Variants in FMN2 observed in about 807,000 individuals in gnomAD.
The protein encoded by FMN2 is formin-2.
A neutral mutation model predicts 142.3 loss-of-function variants in FMN2; 51 were observed. That is an observed-to-expected ratio of 0.36 (90% CI 0.29 to 0.45). The LOEUF (loss-of-function observed/expected upper bound fraction) is 0.45, where lower values mean the gene tolerates loss of function less well. Ranked by LOEUF, FMN2 falls within the 20% of genes least tolerant of loss-of-function variation. FMN2 has a pLI of 1.00. For missense variants in FMN2, 1,936 were observed against 2,122.8 expected (o/e 0.91, Z 1.73); for synonymous variants, 882 against 869.8 (o/e 1.01, Z -0.25).
At chr1:240,374,061 T>C (rs1672962588) in intron 14 of FMN2, among the ~76,000 whole-genome samples, 1 of 152,174 alleles carries the variant, frequency 6.6e-6, no homozygotes. Flanking sequence ...TCAGAGCTTT[T>C]GGGTGACCAG....
chr1:240,464,715 G>A (rs1676557148), intron 16 of FMN2, among the ~76,000 whole-genome samples: 1 of 152,074 alleles, frequency 6.6e-6, no homozygotes, highest in South Asian at 2.1e-4. Context: ...CCAGGGAGCT[G>A]GGGGCAGACC....
intron 6 of FMN2, among the ~76,000 whole-genome samples, chr1:240,240,532 T>C (rs891774787): frequency 6.6e-6 from 1 of 152,218 alleles, no homozygotes; most frequent in South Asian, 2.1e-4. Context: ...CTCATTGAGG[T>C]AACGAAGTAC....
intron 2 of FMN2, among the ~76,000 whole-genome samples, chr1:240,157,275 A>G (rs1447214783): frequency 6.6e-6 from 1 of 152,152 alleles, no homozygotes; most frequent in Non-Finnish European, 1.5e-5. Flanking sequence ...AGTTGCTCAC[A>G]ATTAATTACT....
chr1:240,455,961 C>T (rs1382324717), intron 16 of FMN2, among the ~76,000 whole-genome samples: 6 of 148,634 alleles, frequency 4.0e-5, no homozygotes, highest in African/African-American at 1.5e-4. Flanking sequence ...GGTGACGGAG[C>T]GAGACTGTCT....
At chr1:240,121,067 A>C (rs768521924) in intron 1 of FMN2, among the ~76,000 whole-genome samples, 43 of 152,142 alleles carry the variant, frequency 2.8e-4, no homozygotes, top group Admixed American at 2.0e-3. Flanking sequence ...AGGCTGAGGC[A>C]GGAGAATCGC....
rs1671348105 is a variant in FMN2 at position 240,330,756 on chromosome 1, A to G, written c.4584+7A>G. 6.2e-7 allele frequency: 1 copy of G among 1,613,272 alleles called. No homozygotes were observed. Among genetic ancestry groups the G allele is most frequent in the Non-Finnish European group, 8.5e-7 (1 of 1,179,652 alleles). On this transcript the variant is annotated splice_region_variant and intron_variant, in intron 11 of 17. Transcript: ENST00000319653. ...GAAAGATGTCAAGAGCAGTGTAAGT[A>G]TTTTGCATGAGTGGACGTAAGCACA... is the stretch of plus-strand genomic sequence containing the variant.
intron 3 of FMN2, among the ~76,000 whole-genome samples, chr1:240,178,424 T>C (rs1458273821): frequency 2.0e-5 from 3 of 150,068 alleles, no homozygotes; most frequent in Non-Finnish European, 4.4e-5. Context: ...TTTGTCCTTT[T>C]TTCCCCCCTT....
intron 7 of FMN2, among the ~76,000 whole-genome samples, chr1:240,293,349 A>G (rs370141642): frequency 4.6e-5 from 7 of 152,154 alleles, no homozygotes; most frequent in African/African-American, 1.4e-4. Flanking sequence ...TTTTCTTATC[A>G]TGTAGAGAAT....
intron 15 of FMN2, among the ~76,000 whole-genome samples, chr1:240,412,643 T>A (rs533827188): frequency 2.7e-5 from 4 of 148,698 alleles, no homozygotes; most frequent in Admixed American, 6.7e-5. Flanking sequence ...CCAGAAACTT[T>A]AAAAAAAAAA....
intron 16 of FMN2, among the ~76,000 whole-genome samples, chr1:240,469,753 G>A (rs747867345): frequency 6.6e-6 from 1 of 152,106 alleles, no homozygotes; most frequent in African/African-American, 2.4e-5. Context: ...TACCTTATAC[G>A]AACCTGGGTG....
intron 6 of FMN2, among the ~76,000 whole-genome samples, chr1:240,225,193 T>G (rs1667255528): frequency 6.6e-6 from 1 of 152,164 alleles, no homozygotes; most frequent in African/African-American, 2.4e-5. Flanking sequence ...GTCTGAAAGC[T>G]GTGTACATAC....
At position 240,333,821 on chromosome 1, in the gene FMN2, T is replaced by C. The variant is rs911256368; in HGVS notation, c.4585-66T>C. The C allele has an allele frequency of 4.8e-6, 6 of 1,248,530 alleles. No homozygotes were observed. The African/African-American group carries it at 9.2e-5, about 19-fold the overall frequency. 77.3% of individuals were successfully genotyped at this position (1,248,530 alleles called of 1,614,324 possible). The stretch of plus-strand genomic sequence containing the variant: ...ATACATGAATTCACTAGAATCTTTT[T>C]TGGTAACACTTTATATTTAATTAGT... On this transcript the variant is annotated intron_variant, in intron 11 of 17. Coordinates refer to ENST00000319653, the MANE Select transcript of FMN2 (RefSeq NM_020066.5).
chr1:240,112,216 C>T (rs997988045), intron 1 of FMN2, among the ~76,000 whole-genome samples: 1 of 151,108 alleles, frequency 6.6e-6, no homozygotes, highest in Admixed American at 6.6e-5. Flanking sequence ...ACTGCAACCT[C>T]CACCTCCTGG....
At position 240,207,570 on chromosome 1, in the gene FMN2, A is replaced by G. The variant is rs1291055377; in HGVS notation, c.2758A>G (p.Ile920Val). The stretch of plus-strand genomic sequence containing the variant: ...TCCCCCTCCTCTTCCCGGAGCGGGC[A>G]TACCTCCTCCGCCGCCTCTACCCGG... ...PPPPPLPGAG[I>V]PPPPPLPGAG... Residue 920 changes from isoleucine (I) to valine (V), a missense_variant, in exon 5 of 18, where the codon ATA (isoleucine) becomes GTA (valine). Around this residue, in one of 8 missense-constraint regions of FMN2, gnomAD observed 478 missense variants for 462.8 expected, o/e 1.03. Coordinates refer to ENST00000319653, the MANE Select transcript of FMN2 (RefSeq NM_020066.5). The G allele has an allele frequency of 6.3e-7, 1 of 1,591,688 alleles. No homozygotes were observed. Among genetic ancestry groups the G allele is most frequent in the Non-Finnish European group, 8.5e-7 (1 of 1,171,394 alleles).
intron 6 of FMN2, among the ~76,000 whole-genome samples, chr1:240,220,208 A>C (rs1667053069): frequency 6.6e-6 from 1 of 152,152 alleles, no homozygotes; most frequent in South Asian, 2.1e-4. Context: ...GGAAACGGAG[A>C]AACAGTCATT....
chr1:240,401,324 A>G (rs1673981849), intron 15 of FMN2, among the ~76,000 whole-genome samples: 1 of 152,142 alleles, frequency 6.6e-6, no homozygotes, highest in Non-Finnish European at 1.5e-5. Context: ...TCCATGTATC[A>G]TATTATCACA....
chr1:240,142,766 G>A (rs573794105), intron 2 of FMN2: 76 of 1,597,220 alleles, frequency 4.8e-5, no homozygotes, highest in Middle Eastern at 2.2e-4. Context: ...CCCGTTCCCC[G>A]TGGGCCAACG....
In FMN2 at chr1:240,333,883, C is replaced by T. The variant is rs754934681; in HGVS notation, c.4585-4C>T. On this transcript the variant is annotated splice_region_variant and splice_polypyrimidine_tract_variant and intron_variant, in intron 11 of 17. Coordinates refer to ENST00000319653, the MANE Select transcript of FMN2 (RefSeq NM_020066.5). The stretch of plus-strand genomic sequence containing the variant: ...TTGTCACTGACTTTGGTCTTTCTGC[C>T]TAGGACAATAGCAGAAGCCTTTTGT... The T allele has an allele frequency of 1.2e-6, 2 of 1,600,526 alleles. No homozygotes were observed. Among genetic ancestry groups the T allele is most frequent in the East Asian group, 2.2e-5 (1 of 44,534 alleles).
chr1:240,463,089 G>A (rs1388482319), intron 16 of FMN2, among the ~76,000 whole-genome samples: 5 of 152,126 alleles, frequency 3.3e-5, no homozygotes, highest in African/African-American at 7.2e-5. Context: ...CGCAGACCTC[G>A]CTAAGGAACT....
Sources: allele counts gnomAD v4.1 joint callset (sites outside exome capture counted in the v4.1 genomes callset), GRCh38; gene constraint gnomAD v4.1.1; regional missense constraint gnomAD v4.1.1; transcripts MANE v1.5; gene names NCBI Gene and HGNC (gene_info 2026-07-23, HGNC 2026-07-21).